The following CD53 variants were observed in gnomAD, a reference collection of about 807,000 sequenced individuals.
CD53 encodes the protein leukocyte surface antigen CD53.
A neutral mutation model predicts 27.3 loss-of-function variants in CD53; 20 were observed. The ratio of observed to expected loss-of-function variants is 0.73; its 90% CI spans 0.52 to 1.07. CD53 has a LOEUF of 1.07. CD53 is among the 50% of genes least tolerant of loss of function. The pLI, the probability that CD53 is intolerant of heterozygous loss-of-function variation, is 0.00. For missense variants in CD53, 216 were observed against 264.0 expected (o/e 0.82, Z 1.26); for synonymous variants, 106 against 105.3 (o/e 1.01, Z -0.04).
intron 1 of CD53, among the ~76,000 whole-genome samples, chr1:110,874,768 C>T (rs1035278890): frequency 2.0e-5 from 3 of 152,154 alleles, no homozygotes; most frequent in African/African-American, 7.2e-5. Flanking sequence ...GTGACCTCAC[C>T]TTTGTTCACT....
At chr1:110,871,233 G>T (rs1227737298), upstream of CD53, among the ~76,000 whole-genome samples, 2 of 152,182 alleles carry the variant, frequency 1.3e-5, no homozygotes, top group Non-Finnish European at 2.9e-5. Context: ...AGGTGGTCTT[G>T]AAGGACACTG....
At chr1:110,884,826 AT>A (rs1244584204) in intron 1 of CD53, among the ~76,000 whole-genome samples, 1 of 139,776 alleles carries the variant, frequency 7.2e-6, no homozygotes, top group Admixed American at 7.5e-5. Context: ...TTTAAAATGT[AT>A]TCGCTTCTTT....
chr1:110,892,187 A>C (rs1165585715), intron 2 of CD53, among the ~76,000 whole-genome samples, 158 bp from the exon 3 acceptor site: 1 of 152,226 alleles, frequency 6.6e-6, no homozygotes, highest in Non-Finnish European at 1.5e-5. Flanking sequence ...TTGCCTCTCC[A>C]ATGTAAGCAT....
intron 5 of CD53, 127 bp from the exon 6 acceptor site, chr1:110,896,526 A>C (rs1273163065): frequency 2.5e-6 from 2 of 808,406 alleles, no homozygotes; most frequent in Non-Finnish European, 2.1e-6. Flanking sequence ...AGCCCATAGC[A>C]ATCAGACCAA....
At chr1:110,891,186 G>A (rs1053499809) in intron 1 of CD53, among the ~76,000 whole-genome samples, 1 of 152,182 alleles carries the variant, frequency 6.6e-6, no homozygotes, top group African/African-American at 2.4e-5. Context: ...TTGGCTTGCC[G>A]AATTGGGCAA....
intron 1 of CD53, among the ~76,000 whole-genome samples, chr1:110,882,260 G>A (rs1222952722): frequency 3.3e-5 from 5 of 152,012 alleles, no homozygotes; most frequent in Admixed American, 2.0e-4. Context: ...CACTAGTTAC[G>A]ATTTCGTATG....
intron 1 of CD53, among the ~76,000 whole-genome samples, chr1:110,879,440 A>C (rs1656262411): frequency 6.6e-6 from 1 of 152,242 alleles, no homozygotes; most frequent in South Asian, 2.1e-4. Context: ...ACAGAATACT[A>C]TGTTATTTGA....
chr1:110,892,606 G>A (rs1230906085), intron 3 of CD53, 73 bp downstream of exon 3: 2 of 1,232,238 alleles, frequency 1.6e-6, no homozygotes, highest in Non-Finnish European at 2.3e-6. Context: ...GATGTTTCTT[G>A]GTAGATCACT....
In CD53 at chr1:110,899,425, G is replaced by T. The variant is rs1557822997; in HGVS notation, c.*230G>T. 3.6e-5 allele frequency: 16 copies of T among 445,512 alleles called. No individual in the cohort carries two copies. In the East Asian group the frequency reaches 6.5e-4, roughly 18 times the overall value. 27.6% of individuals were successfully genotyped at this position (445,512 alleles called of 1,614,324 possible). A position where few individuals can be genotyped will look rare whatever the true frequency, so the allele number is the denominator to read the frequency against. ...GGCAGCAGCCATGTCTCTCAAAGTG[G>T]TGAAACTAATATCTGAGCATCTTTT... On this transcript the variant is annotated 3_prime_UTR_variant, in exon 8 of 8. Coordinates refer to ENST00000271324, the MANE Select transcript of CD53 (RefSeq NM_000560.4).
At chr1:110,881,047 A>G (rs1240559364) in intron 1 of CD53, among the ~76,000 whole-genome samples, 4 of 152,220 alleles carry the variant, frequency 2.6e-5, no homozygotes, top group Non-Finnish European at 5.9e-5. Context: ...GCTTTGCTAA[A>G]TTTTAAAGTA....
chr1:110,886,846 A>AAGATATATATATATATATAT lies in CD53; in HGVS notation c.-17-4545_-17-4544insGATATATATATATATATATA, dbSNP rs141935496. On this transcript the variant is annotated intron_variant, in intron 1 of 7. Transcript: ENST00000271324. ...GGCAACAGAGCGAGACTCTGTCTCC[A>AAGATATATATATATATATAT]ATATATATATATATATATATATATT... Among the ~76,000 whole-genome samples, 36 of 100,998 alleles carry AAGATATATATATATATATAT rather than the reference A, an allele frequency of 3.6e-4. 2 individuals are homozygous for AAGATATATATATATATATAT. The highest frequency in any genetic ancestry group is 8.5e-4 in the African/African-American group (27 of 31,730). The allele number at this position is 100,998 out of a possible 152,430, so 66.3% of individuals were successfully genotyped here. A position where few individuals can be genotyped will look rare whatever the true frequency, so the allele number is the denominator to read the frequency against.
chr1:110,897,989 T>C, intron 7 of CD53, 97 bp downstream of exon 7: 1 of 604,892 alleles, frequency 1.7e-6, no homozygotes, highest in Non-Finnish European at 2.9e-6. Flanking sequence ...ACACAATAAA[T>C]GTTAGCTATT....
In CD53 at chr1:110,887,265, C is replaced by T. The variant is rs1251343066; in HGVS notation, c.-17-4127C>T. Among the ~76,000 whole-genome samples the T allele has an allele frequency of 2.0e-5, 3 of 152,082 alleles. No homozygotes were observed. In the South Asian group the frequency reaches 6.2e-4, roughly 32 times the overall value. ...TTTTTTAGTAGAGACGGGGTTTCACCGTGTTAGCCAGGATCGTCTCGATCT... is the reference window on the plus strand; with the variant it reads ...TTTTTTAGTAGAGACGGGGTTTCACTGTGTTAGCCAGGATCGTCTCGATCT... On this transcript the variant is annotated intron_variant, in intron 1 of 7. Coordinates refer to ENST00000271324, the MANE Select transcript of CD53 (RefSeq NM_000560.4).
intron 1 of CD53, among the ~76,000 whole-genome samples, chr1:110,888,071 G>A (rs901400588): frequency 2.6e-5 from 4 of 152,202 alleles, no homozygotes; most frequent in African/African-American, 9.7e-5. Flanking sequence ...ATGCAAGAAA[G>A]GAGGTAAGGA....
intron 1 of CD53, among the ~76,000 whole-genome samples, chr1:110,888,480 C>T (rs992089995): frequency 2.0e-5 from 3 of 152,168 alleles, no homozygotes; most frequent in Non-Finnish European, 2.9e-5. Flanking sequence ...CTCATGGGTC[C>T]GTGCCCTTCA....
At chr1:110,875,593 C>T (rs545672699) in intron 1 of CD53, among the ~76,000 whole-genome samples, 1 of 152,296 alleles carries the variant, frequency 6.6e-6, no homozygotes, top group Non-Finnish European at 1.5e-5. Flanking sequence ...ACTTCTTGTA[C>T]CAAGCAAGCA....
chr1:110,889,972 A>T (rs1250698715), intron 1 of CD53, among the ~76,000 whole-genome samples: 1 of 152,226 alleles, frequency 6.6e-6, no homozygotes, highest in East Asian at 1.9e-4. Context: ...AAGGAAAAGG[A>T]TATGAGATAG....
At chr1:110,890,425 G>A (rs192922533) in intron 1 of CD53, among the ~76,000 whole-genome samples, 3 of 151,982 alleles carry the variant, frequency 2.0e-5, no homozygotes, top group Non-Finnish European at 2.9e-5. Flanking sequence ...AAATTATCCG[G>A]GCATGATGGT....
chr1:110,892,331 A>G lies in CD53; in HGVS notation c.64-14A>G, dbSNP rs907809178. 3.1e-6 allele frequency: 5 copies of G among 1,609,676 alleles called. No individual in the cohort carries two copies. The African/African-American group carries it at 6.7e-5, about 22-fold the overall frequency. The stretch of plus-strand genomic sequence containing the variant: ...ACATTTTGCTTCAGGATGTTGTGGG[A>G]TTCTTCCTTTCAGATCTGTGGCTGC... On this transcript the variant is annotated splice_polypyrimidine_tract_variant and intron_variant, in intron 2 of 7. Coordinates refer to ENST00000271324, the MANE Select transcript of CD53 (RefSeq NM_000560.4).
Sources: gnomAD v4.1 joint callset for allele counts (sites outside exome capture counted in the v4.1 genomes callset) on GRCh38, gnomAD v4.1.1 for gene constraint, MANE v1.5 for transcripts, NCBI Gene and HGNC (gene_info 2026-07-23, HGNC 2026-07-21) for gene names.